The following CADPS2 variants were observed in gnomAD, a reference collection of about 807,000 sequenced individuals.
CADPS2 encodes the protein calcium dependent secretion activator 2, also known as calcium-dependent secretion activator 2.
CADPS2 carries 93 observed loss-of-function variants against 172.5 expected under a neutral mutation model. The ratio of observed to expected loss-of-function variants is 0.54; its 90% CI spans 0.46 to 0.64. CADPS2 has a LOEUF of 0.64. CADPS2 is among the 30% of genes least tolerant of loss of function. The pLI, the probability that CADPS2 is intolerant of heterozygous loss-of-function variation, is 0.00. For synonymous variants in CADPS2, 546 were observed against 555.2 expected, an observed-to-expected ratio of 0.98 and a Z score of 0.23; for missense variants, 1,420 against 1,565.9, an observed-to-expected ratio of 0.91 and a Z score of 1.57.
At chr7:122,491,592 G>C (rs757999185) in intron 9 of CADPS2, among the ~76,000 whole-genome samples, 172 bp from the exon 10 acceptor site, 1 of 151,932 alleles carries the variant, frequency 6.6e-6, no homozygotes, top group Admixed American at 6.6e-5. Flanking sequence ...AGCACCTTTC[G>C]TTTGTCAGCT....
intron 1 of CADPS2, among the ~76,000 whole-genome samples, chr7:122,856,200 G>C (rs183900805): frequency 6.6e-6 from 1 of 152,190 alleles, no homozygotes; most frequent in Non-Finnish European, 1.5e-5. Flanking sequence ...TGTGAAGTAA[G>C]CCCAGTGGTT....
chr7:122,774,785 T>G (rs904952624), intron 1 of CADPS2, among the ~76,000 whole-genome samples: 25 of 152,288 alleles, frequency 1.6e-4, no homozygotes, highest in Middle Eastern at 3.4e-3. Context: ...TTTATTAACT[T>G]TCCTTTGAGG....
intron 6 of CADPS2, among the ~76,000 whole-genome samples, chr7:122,592,453 A>G (rs1322568639): frequency 6.6e-6 from 1 of 152,174 alleles, no homozygotes; most frequent in African/African-American, 2.4e-5. Flanking sequence ...ATCTAGAACT[A>G]GAAATACCAT....
At chr7:122,359,776 C>A (rs2039897032) in intron 27 of CADPS2, among the ~76,000 whole-genome samples, 1 of 152,040 alleles carries the variant, frequency 6.6e-6, no homozygotes, top group Non-Finnish European at 1.5e-5. Context: ...CTTTGGGAAA[C>A]ATTTGTAAAA....
chr7:122,646,326 A>G, intron 3 of CADPS2, among the ~76,000 whole-genome samples: 2 of 152,244 alleles, frequency 1.3e-5, no homozygotes, highest in African/African-American at 4.8e-5. Flanking sequence ...AAGTTGTTAA[A>G]ATGCCGTCAA....
intron 1 of CADPS2, among the ~76,000 whole-genome samples, chr7:122,820,899 T>C (rs1258887191): frequency 4.2e-5 from 6 of 142,378 alleles, no homozygotes; most frequent in African/African-American, 1.6e-4. Flanking sequence ...CTGCATGCAG[T>C]GGCTGCCACT....
chr7:122,711,273 C>T (rs2088671776), intron 2 of CADPS2, among the ~76,000 whole-genome samples: 1 of 152,054 alleles, frequency 6.6e-6, no homozygotes, highest in Non-Finnish European at 1.5e-5. Context: ...CCATTTCTAA[C>T]ATATAAGCAG....
chr7:122,438,319 G>A (rs368829878), intron 17 of CADPS2, 22 bp downstream of exon 17: 41 of 1,611,748 alleles, frequency 2.5e-5, no homozygotes, highest in African/African-American at 1.3e-4. Flanking sequence ...CTGCCACTTC[G>A]ACAATTGCTC....
intron 1 of CADPS2, among the ~76,000 whole-genome samples, chr7:122,852,894 C>T (rs1441151167): frequency 6.6e-6 from 1 of 152,062 alleles, no homozygotes; most frequent in Non-Finnish European, 1.5e-5. Flanking sequence ...AGGATGGAAG[C>T]AGAAAAACAA....
At chr7:122,680,974 T>C (rs1420513010) in intron 2 of CADPS2, among the ~76,000 whole-genome samples, 4 of 151,396 alleles carry the variant, frequency 2.6e-5, no homozygotes, top group Non-Finnish European at 5.9e-5. Context: ...TTCATGTCCT[T>C]TGTAGGGACA....
chr7:122,446,192 T>G (rs1330039710), intron 15 of CADPS2, among the ~76,000 whole-genome samples: 1 of 152,224 alleles, frequency 6.6e-6, no homozygotes, highest in African/African-American at 2.4e-5. Flanking sequence ...CTATATTTTG[T>G]GTCTTCTCAG....
At chr7:122,878,509 G>A (rs908664948) in intron 1 of CADPS2, among the ~76,000 whole-genome samples, 9 of 151,152 alleles carry the variant, frequency 6.0e-5, no homozygotes, top group Admixed American at 1.3e-4. Context: ...GTGCAGTGGC[G>A]GGTGCCTGTA....
At chr7:122,719,107 G>A (rs570916296) in intron 2 of CADPS2, among the ~76,000 whole-genome samples, 100 of 152,188 alleles carry the variant, frequency 6.6e-4, no homozygotes, top group African/African-American at 2.4e-3. Context: ...TCAGAGACAT[G>A]GGCAAGCCAG....
At chr7:122,411,496 A>G (rs2047311921) in intron 19 of CADPS2, among the ~76,000 whole-genome samples, 1 of 152,194 alleles carries the variant, frequency 6.6e-6, no homozygotes, top group Non-Finnish European at 1.5e-5. Flanking sequence ...CTGGGATTAC[A>G]GGTGTGAGCC....
chr7:122,507,226 T>G (rs983447962), intron 9 of CADPS2, among the ~76,000 whole-genome samples: 1 of 152,032 alleles, frequency 6.6e-6, no homozygotes, highest in Non-Finnish European at 1.5e-5. Context: ...AAAGGCAACA[T>G]TTGAACGGAT....
Position 122,541,732 on chromosome 7 carries a change from T to G in CADPS2, c.1475+12818A>C, listed in dbSNP as rs1298947171. 2.8e-5 allele frequency among the ~76,000 whole-genome samples: 4 copies of G among 145,002 alleles called. No homozygotes were observed. The Admixed American group carries it at 2.8e-4, about 10-fold the overall frequency. On this transcript the variant is annotated intron_variant, in intron 8 of 29. Coordinates refer to ENST00000449022, the MANE Select transcript of CADPS2 (RefSeq NM_017954.11). ...ATATATTTACATATATTCATATATA[T>G]TTATTCATATATTTACATATATTCA... is the stretch of plus-strand genomic sequence containing the variant.
At chr7:122,565,417 T>C (rs2066330785) in intron 7 of CADPS2, among the ~76,000 whole-genome samples, 1 of 152,100 alleles carries the variant, frequency 6.6e-6, no homozygotes, top group African/African-American at 2.4e-5. Context: ...TAGTGGGGAA[T>C]AAGGTCAGGA....
chr7:122,806,291 A>G (rs1163231298), intron 1 of CADPS2, among the ~76,000 whole-genome samples: 2 of 152,246 alleles, frequency 1.3e-5, no homozygotes, highest in Non-Finnish European at 2.9e-5. Flanking sequence ...CAGTTCTACA[A>G]TGAAATAAAA....
At chr7:122,419,839 TA>T (rs1202379718) in intron 17 of CADPS2, among the ~76,000 whole-genome samples, 3 of 151,990 alleles carry the variant, frequency 2.0e-5, no homozygotes, top group African/African-American at 7.3e-5. Context: ...ACTTCCGTGC[TA>T]GGGACTAGCA....
Sources: gnomAD v4.1 joint callset for allele counts (sites outside exome capture counted in the v4.1 genomes callset) on GRCh38, gnomAD v4.1.1 for gene constraint, MANE v1.5 for transcripts, NCBI Gene and HGNC (gene_info 2026-07-23, HGNC 2026-07-21) for gene names.